The following ARFGEF3 variants were observed in gnomAD, a reference collection of about 807,000 sequenced individuals.
ARFGEF3 encodes the protein ARFGEF family member 3, also known as brefeldin A-inhibited guanine nucleotide-exchange protein 3.
ARFGEF3 carries 96 observed loss-of-function variants against 221.7 expected under a neutral mutation model. The observed-to-expected ratio is 0.43, with a 90% CI of 0.37 to 0.51. The LOEUF (loss-of-function observed/expected upper bound fraction) is 0.51. Among genes scored for constraint, ARFGEF3 ranks in the 20% least tolerant of loss-of-function variants. ARFGEF3 has a pLI of 0.00. For synonymous variants in ARFGEF3, 1,145 were observed against 1,126.8 expected (o/e 1.02, Z -0.32); for missense variants, 2,410 against 2,789.9 (o/e 0.86, Z 3.07).
chr6:138,164,107 A>G (rs1466860016), intron 1 of ARFGEF3, among the ~76,000 whole-genome samples: 2 of 152,232 alleles, frequency 1.3e-5, no homozygotes, highest in African/African-American at 2.4e-5. Flanking sequence ...TTAGAAGGGC[A>G]TGCTGGAGAC....
rs73774688 is a variant in ARFGEF3, at chr6:138,218,235, C to T, written c.351+8194C>T. The T allele has an allele frequency of 1.5e-3, 2,386 of 1,613,070 alleles. 30 individuals are homozygous for T. The African/African-American group carries it at 0.027, about 18-fold the overall frequency. ...ACTTCTTTTTACTTTTTCTTTTTTT[C>T]GAAATACCTTGTAGCAGAATGGTAA... On this transcript the variant is annotated intron_variant, in intron 4 of 33. Transcript: ENST00000251691.
chr6:138,252,428 G>A (rs1286436202), intron 8 of ARFGEF3, among the ~76,000 whole-genome samples: 1 of 152,220 alleles, frequency 6.6e-6, no homozygotes, highest in South Asian at 2.1e-4. Flanking sequence ...CAATGTCAGT[G>A]TATTAAATGG....
intron 2 of ARFGEF3, among the ~76,000 whole-genome samples, chr6:138,186,667 G>A (rs1777189925): frequency 6.6e-6 from 1 of 152,166 alleles, no homozygotes; most frequent in African/African-American, 2.4e-5. Context: ...TGAGGAGAAG[G>A]CTGCTCACAC....
chr6:138,189,934 A>G (rs192014361), intron 2 of ARFGEF3, among the ~76,000 whole-genome samples: 28 of 152,064 alleles, frequency 1.8e-4, no homozygotes, highest in African/African-American at 6.5e-4. Context: ...TTTTTAAAAA[A>G]TTAGCCAGCC....
At chr6:138,310,618 TC>T in intron 24 of ARFGEF3, among the ~76,000 whole-genome samples, 1 of 152,322 alleles carries the variant, frequency 6.6e-6, no homozygotes, top group Admixed American at 6.5e-5. Flanking sequence ...AGTAATTAGG[TC>T]TGTTTACTCA....
In ARFGEF3 at chr6:138,278,469, G is replaced by GCTTTGA. The variant is rs1159746285; in HGVS notation, c.2149_2154dup (p.Phe717_Asp718dup). On this transcript the variant is annotated inframe_insertion, in exon 13 of 34. Coordinates refer to ENST00000251691, the MANE Select transcript of ARFGEF3 (RefSeq NM_020340.5). ...CCCTTAGGCATGATGCACTCTCCTG[G>GCTTTGA]CTTTGACGGGAATAGCAGCCTCAGC... The GCTTTGA allele has an allele frequency of 6.2e-7, 1 of 1,613,892 alleles. No homozygotes were observed. The highest frequency in any genetic ancestry group is 8.5e-7 in the Non-Finnish European group (1 of 1,179,876).
At chr6:138,305,754 A>T (rs190948930) in intron 22 of ARFGEF3, among the ~76,000 whole-genome samples, 1 of 152,340 alleles carries the variant, frequency 6.6e-6, no homozygotes, top group Non-Finnish European at 1.5e-5. Flanking sequence ...AAAAGATTAA[A>T]ACCACGCAAT....
At chr6:138,164,536 A>G (rs1175651877) in intron 1 of ARFGEF3, among the ~76,000 whole-genome samples, 1 of 152,144 alleles carries the variant, frequency 6.6e-6, no homozygotes, top group Non-Finnish European at 1.5e-5. Flanking sequence ...TAGAGTACCT[A>G]CTATTTTGGA....
intron 4 of ARFGEF3, among the ~76,000 whole-genome samples, chr6:138,224,979 C>G (rs944413339): frequency 1.3e-5 from 2 of 152,066 alleles, no homozygotes; most frequent in Non-Finnish European, 2.9e-5. Flanking sequence ...GAGATTTCAG[C>G]CAGGTTGACT....
chr6:138,306,437 C>G (rs187501682), intron 22 of ARFGEF3, among the ~76,000 whole-genome samples: 2 of 152,034 alleles, frequency 1.3e-5, no homozygotes, highest in African/African-American at 2.4e-5. Flanking sequence ...CCAAGCAGAC[C>G]TTTTTGAAGA....
intron 6 of ARFGEF3, among the ~76,000 whole-genome samples, chr6:138,240,553 G>T (rs1778375136): frequency 6.6e-6 from 1 of 152,246 alleles, no homozygotes; most frequent in South Asian, 2.1e-4. Flanking sequence ...CTCCATCCTG[G>T]GTATTATGTG....
chr6:138,323,632 C>CAAAA, intron 29 of ARFGEF3, 39 bp from the exon 30 acceptor site: 1 of 1,528,780 alleles, frequency 6.5e-7, no homozygotes, highest in Admixed American at 1.7e-5. Context: ...ACAACAACAA[C>CAAAA]AACAAAAAAA....
chr6:138,278,846 G>T (rs1779147062), intron 13 of ARFGEF3, among the ~76,000 whole-genome samples: 3 of 152,194 alleles, frequency 2.0e-5, no homozygotes, highest in African/African-American at 7.2e-5. Flanking sequence ...CTGGGCTCCA[G>T]TGAAGAGTGT....
Position 138,293,977 on chromosome 6 carries a change from T to C in ARFGEF3, c.3369-16T>C, listed in dbSNP as rs1779461367. 2.5e-6 allele frequency: 4 copies of C among 1,610,546 alleles called. No homozygotes were observed. The South Asian group carries it at 3.3e-5, about 13-fold the overall frequency. ...AATTGTTTCCAAAGAACACATCTCT[T>C]TCTGTTTGCATCCAGGCTCTTTGAA... On this transcript the variant is annotated splice_polypyrimidine_tract_variant and intron_variant, in intron 19 of 33. Coordinates refer to ENST00000251691, the MANE Select transcript of ARFGEF3 (RefSeq NM_020340.5).
At chr6:138,318,458 T>A (rs1315665038) in intron 27 of ARFGEF3, among the ~76,000 whole-genome samples, 2 of 152,226 alleles carry the variant, frequency 1.3e-5, no homozygotes, top group Non-Finnish European at 2.9e-5. Flanking sequence ...AAGCAGTTAA[T>A]TGTGGTAAAA....
intron 8 of ARFGEF3, among the ~76,000 whole-genome samples, chr6:138,246,017 A>G (rs1043725546): frequency 6.6e-6 from 1 of 152,044 alleles, no homozygotes; most frequent in South Asian, 2.1e-4. Context: ...ACTGTGCTCT[A>G]TTTCTTCTAA....
At chr6:138,281,530 T>C (rs1044282923) in intron 14 of ARFGEF3, among the ~76,000 whole-genome samples, 3 of 152,226 alleles carry the variant, frequency 2.0e-5, no homozygotes, top group Admixed American at 6.5e-5. Context: ...GAGTACCCAG[T>C]GTTTAGCTCC....
intron 31 of ARFGEF3, 108 bp downstream of exon 31, chr6:138,324,262 G>C: frequency 7.5e-7 from 1 of 1,327,680 alleles, no homozygotes; most frequent in Non-Finnish European, 1.0e-6. Flanking sequence ...TTCCCTGAGG[G>C]ACATACACCT....
Position 138,286,935 on chromosome 6 carries a change from T to C in ARFGEF3, c.2785+19T>C. On this transcript the variant is annotated intron_variant, in intron 16 of 33. Coordinates refer to ENST00000251691, the MANE Select transcript of ARFGEF3 (RefSeq NM_020340.5). ...GCTCTAGGTACCAGCGGGAGTAGTG[T>C]TCCCTGGCCGTGGTCCTGCAGAACT... 6.2e-7 allele frequency: 1 copy of C among 1,611,098 alleles called. No individual in the cohort carries two copies. The highest frequency in any genetic ancestry group is 8.5e-7 in the Non-Finnish European group (1 of 1,178,862).
Sources: gnomAD v4.1 joint callset for allele counts (sites outside exome capture counted in the v4.1 genomes callset) on GRCh38, gnomAD v4.1.1 for gene constraint, MANE v1.5 for transcripts, NCBI Gene and HGNC (gene_info 2026-07-23, HGNC 2026-07-21) for gene names.